EPB41L5: variants seen among roughly 807,000 people sequenced by gnomAD.
EPB41L5 encodes the protein band 4.1-like protein 5.
EPB41L5 carries 55 observed loss-of-function variants against 106.6 expected under a neutral mutation model. The ratio of observed to expected loss-of-function variants is 0.52; its 90% CI spans 0.42 to 0.65. The LOEUF (loss-of-function observed/expected upper bound fraction) is 0.65, where lower values mean the gene tolerates loss of function less well. Among genes scored for constraint, EPB41L5 ranks in the 30% least tolerant of loss-of-function variants. The pLI, the probability that EPB41L5 is intolerant of heterozygous loss-of-function variation, is 0.00. For synonymous variants in EPB41L5, 297 were observed against 306.7 expected, an observed-to-expected ratio of 0.97 and a Z score of 0.33; for missense variants, 871 against 882.1, an observed-to-expected ratio of 0.99 and a Z score of 0.16.
At chr2:120,082,600 T>C (rs1682753498) in intron 10 of EPB41L5, among the ~76,000 whole-genome samples, 1 of 152,168 alleles carries the variant, frequency 6.6e-6, no homozygotes, top group Admixed American at 6.5e-5. Context: ...GGCTTTGGTA[T>C]AGGATGATGC....
chr2:120,100,795 G>C lies in EPB41L5; in HGVS notation c.1318G>C (p.Asp440His). The change falls in exon 16 of 25, where the codon GAC becomes CAC. Residue 440 changes from aspartate (D) to histidine (H), a missense_variant. Transcript: ENST00000263713. The part of the protein sequence containing the change: ...IENLPQSPGT[D>H]QHDRKCIPLN... ...GAATCTTCCACAGAGTCCTGGAACA[G>C]ACCAGCATGACAGGAAATGGTTTGT... The C allele has an allele frequency of 6.2e-7, 1 of 1,602,076 alleles. No homozygotes were observed. The highest frequency in any genetic ancestry group is 8.5e-7 in the Non-Finnish European group (1 of 1,172,224).
At chr2:120,018,906 G>A (rs1283794519) in intron 1 of EPB41L5, among the ~76,000 whole-genome samples, 171 bp from the exon 2 acceptor site, 2 of 152,082 alleles carry the variant, frequency 1.3e-5, no homozygotes, top group African/African-American at 2.4e-5. Context: ...TAGGCCTCCC[G>A]AAGTGTTGAG....
At chr2:120,105,983 A>C (rs1684431002) in intron 16 of EPB41L5, 1 of 985,424 alleles carries the variant, frequency 1.0e-6, no homozygotes, top group South Asian at 4.7e-5. Flanking sequence ...GACTTCACTC[A>C]CTTTAAAATT....
intron 14 of EPB41L5, among the ~76,000 whole-genome samples, chr2:120,099,745 C>T (rs1243895725): frequency 1.3e-5 from 2 of 152,072 alleles, no homozygotes; most frequent in African/African-American, 2.4e-5. Context: ...AATTTTAGAA[C>T]GTGTTTATAA....
chr2:120,120,071 C>G (rs905141808), intron 16 of EPB41L5, among the ~76,000 whole-genome samples: 5 of 152,096 alleles, frequency 3.3e-5, no homozygotes, highest in Non-Finnish European at 5.9e-5. Context: ...TTTATTGTAA[C>G]CTCTCATCTT....
intron 1 of EPB41L5, among the ~76,000 whole-genome samples, chr2:120,015,585 C>G (rs1027792377): frequency 2.6e-5 from 4 of 152,064 alleles, no homozygotes; most frequent in Admixed American, 6.6e-5. Context: ...CTTCAGTGTT[C>G]TGTGATTTGA....
At chr2:120,070,202 C>A (rs1224939480) in intron 3 of EPB41L5, among the ~76,000 whole-genome samples, 1 of 152,162 alleles carries the variant, frequency 6.6e-6, no homozygotes, top group South Asian at 2.1e-4. Flanking sequence ...ATTGTAAACA[C>A]CTCTACACAA....
intron 16 of EPB41L5, among the ~76,000 whole-genome samples, chr2:120,102,854 T>G (rs1442661561): frequency 6.6e-6 from 1 of 152,192 alleles, no homozygotes; most frequent in East Asian, 1.9e-4. Context: ...CCATAAATCA[T>G]TTGTAAGCAA....
chr2:120,145,329 G>C (rs1005788780), intron 19 of EPB41L5, among the ~76,000 whole-genome samples: 1 of 152,176 alleles, frequency 6.6e-6, no homozygotes, highest in Non-Finnish European at 1.5e-5. Flanking sequence ...TGATTGTGAT[G>C]TATCTATACA....
chr2:120,026,680 T>C (rs1271449206), intron 2 of EPB41L5, among the ~76,000 whole-genome samples: 2 of 152,214 alleles, frequency 1.3e-5, no homozygotes. Flanking sequence ...GGCACCACTT[T>C]CTTACATATG....
intron 3 of EPB41L5, among the ~76,000 whole-genome samples, chr2:120,043,595 G>T (rs1679566522): frequency 1.3e-5 from 2 of 151,956 alleles, no homozygotes; most frequent in South Asian, 4.2e-4. Flanking sequence ...AAAATTAGCT[G>T]GGCGTGGCGG....
chr2:120,164,371 T>C (rs1365566941), intron 21 of EPB41L5, among the ~76,000 whole-genome samples: 1 of 151,996 alleles, frequency 6.6e-6, no homozygotes, highest in African/African-American at 2.4e-5. Context: ...AGTGCTACTG[T>C]GCCCAGCTTA....
At chr2:120,095,434 T>C (rs1683684029) in intron 14 of EPB41L5, among the ~76,000 whole-genome samples, 1 of 152,094 alleles carries the variant, frequency 6.6e-6, no homozygotes, top group Non-Finnish European at 1.5e-5. Context: ...GAATTCTCAT[T>C]AACATGTAAG....
chr2:120,124,519 A>T (rs113756451), intron 16 of EPB41L5, among the ~76,000 whole-genome samples: 1 of 152,190 alleles, frequency 6.6e-6, no homozygotes, highest in South Asian at 2.1e-4. Context: ...GAGAATCCCA[A>T]TGCAGACATG....
chr2:120,015,565 A>G (rs979438447), intron 1 of EPB41L5, among the ~76,000 whole-genome samples: 1 of 152,116 alleles, frequency 6.6e-6, no homozygotes, highest in Non-Finnish European at 1.5e-5. Flanking sequence ...TCCGTGTAGG[A>G]TGAAACTCTC....
At chr2:120,110,512 A>G (rs1257504375) in intron 16 of EPB41L5, among the ~76,000 whole-genome samples, 1 of 152,116 alleles carries the variant, frequency 6.6e-6, no homozygotes, top group Non-Finnish European at 1.5e-5. Context: ...TGACATCTCT[A>G]CTTAGGCATC....
At chr2:120,105,622 A>G (rs1684405162) in intron 16 of EPB41L5, 1 of 985,402 alleles carries the variant, frequency 1.0e-6, no homozygotes, top group Non-Finnish European at 1.2e-6. Flanking sequence ...TATGTGTAAG[A>G]GGATGGCCAC....
chr2:120,105,027 T>C, intron 16 of EPB41L5: 3 of 984,776 alleles, frequency 3.0e-6, no homozygotes, highest in South Asian at 9.4e-5. Context: ...CTCTTTCATC[T>C]CATACACCTG....
intron 16 of EPB41L5, chr2:120,104,656 A>T (rs1684345224): frequency 1.0e-6 from 1 of 986,354 alleles, no homozygotes; most frequent in Non-Finnish European, 1.2e-6. Context: ...GTCTAGGCAT[A>T]ATATATCAGC....
Sources: gnomAD v4.1 joint callset for allele counts (sites outside exome capture counted in the v4.1 genomes callset) on GRCh38, gnomAD v4.1.1 for gene constraint, MANE v1.5 for transcripts, NCBI Gene and HGNC (gene_info 2026-07-23, HGNC 2026-07-21) for gene names.